The following ANKFN1 variants were observed in gnomAD, a reference collection of about 807,000 sequenced individuals.
ANKFN1 encodes the protein ankyrin repeat and fibronectin type III domain containing 1.
ANKFN1 carries 74 observed loss-of-function variants against 108.7 expected under a neutral mutation model. That is an observed-to-expected ratio of 0.68 (90% CI 0.56 to 0.83). The LOEUF (loss-of-function observed/expected upper bound fraction) is 0.83, where lower values mean the gene tolerates loss of function less well. ANKFN1 is among the 40% of genes least tolerant of loss of function. The pLI is 0.00. For synonymous variants in ANKFN1, 547 were observed against 516.2 expected, an observed-to-expected ratio of 1.06 and a Z score of -0.81; for missense variants, 1,505 against 1,382.3, an observed-to-expected ratio of 1.09 and a Z score of -1.41.
chr17:56,357,039 C>CA (rs2046394489), intron 6 of ANKFN1, among the ~76,000 whole-genome samples: 1 of 152,140 alleles, frequency 6.6e-6, no homozygotes, highest in Non-Finnish European at 1.5e-5. Context: ...CAAATTTGTT[C>CA]AAGAGATCCC....
In ANKFN1 at chr17:56,418,819, A is replaced by T. The variant is rs1019549534; in HGVS notation, c.911-21508A>T. On this transcript the variant is annotated intron_variant, in intron 8 of 20. Transcript: ENST00000682825. ...TAAGTTAAAAAAAAAAAAAAAAATC[A>T]CAAGAAACCACAGAGAGTCCGAAGC... is the stretch of plus-strand genomic sequence containing the variant. Among the ~76,000 whole-genome samples, 326 of 151,732 alleles carry T rather than the reference A, an allele frequency of 2.1e-3. 1 individual carries two copies. The highest frequency in any genetic ancestry group is 7.7e-3 in the African/African-American group (319 of 41,412).
chr17:56,284,980 G>A (rs974095479), intron 3 of ANKFN1, among the ~76,000 whole-genome samples: 3 of 152,144 alleles, frequency 2.0e-5, no homozygotes, highest in Non-Finnish European at 4.4e-5. Flanking sequence ...CCTGGAATGA[G>A]CCATGTAAAA....
chr17:56,282,797 G>C (rs537498379), intron 3 of ANKFN1, among the ~76,000 whole-genome samples: 45 of 152,112 alleles, frequency 3.0e-4, no homozygotes, highest in Non-Finnish European at 5.4e-4. Flanking sequence ...TTGACAAAGT[G>C]TTGGCACATT....
intron 18 of ANKFN1, among the ~76,000 whole-genome samples, chr17:56,484,097 T>G (rs916756494): frequency 2.0e-5 from 3 of 152,104 alleles, no homozygotes; most frequent in South Asian, 2.1e-4. Context: ...AAAACCTTTC[T>G]TGTTGGGGGA....
chr17:56,500,743 G>C (rs528266737), intron 20 of ANKFN1, among the ~76,000 whole-genome samples: 1 of 152,138 alleles, frequency 6.6e-6, no homozygotes, highest in Non-Finnish European at 1.5e-5. Flanking sequence ...CAGGATCTAA[G>C]AACATTGTTC....
intron 4 of ANKFN1, among the ~76,000 whole-genome samples, chr17:56,075,569 C>T (rs1001001553): frequency 6.6e-6 from 1 of 151,946 alleles, no homozygotes; most frequent in African/African-American, 2.4e-5. Flanking sequence ...AGATGAGGGG[C>T]CCCTTTGCAG....
intron 3 of ANKFN1, among the ~76,000 whole-genome samples, chr17:56,279,650 A>G (rs2044020288): frequency 6.6e-6 from 1 of 152,188 alleles, no homozygotes; most frequent in Non-Finnish European, 1.5e-5. Context: ...AACTTTGCTC[A>G]GTACAACACA....
At chr17:56,317,222 G>C (rs375533680) in intron 3 of ANKFN1, among the ~76,000 whole-genome samples, 7 of 152,128 alleles carry the variant, frequency 4.6e-5, no homozygotes, top group Non-Finnish European at 8.8e-5. Context: ...CCCTCACTTA[G>C]AGGAGAAAAC....
chr17:56,134,912 C>T (rs1236359915), intron 4 of ANKFN1, among the ~76,000 whole-genome samples: 2 of 152,018 alleles, frequency 1.3e-5, no homozygotes, highest in African/African-American at 4.8e-5. Context: ...ATGTGTTGTC[C>T]TGATGGACTC....
intron 1 of ANKFN1, among the ~76,000 whole-genome samples, chr17:56,189,239 C>T (rs992137060): frequency 2.4e-5 from 3 of 124,510 alleles, no homozygotes; most frequent in East Asian, 2.8e-4. Flanking sequence ...GGCGGGATCT[C>T]GGCTCACTGC....
At chr17:56,190,126 C>T (rs1361344201) in intron 1 of ANKFN1, among the ~76,000 whole-genome samples, 19 of 130,438 alleles carry the variant, frequency 1.5e-4, no homozygotes, top group East Asian at 5.0e-4. Context: ...GTCTTGCTAG[C>T]GGTCTATCAA....
chr17:56,437,980 G>GTGTGTGTA (rs1328745445), intron 8 of ANKFN1, among the ~76,000 whole-genome samples: 1 of 149,382 alleles, frequency 6.7e-6, no homozygotes, highest in Non-Finnish European at 1.5e-5. Context: ...GTAGGTGTGT[G>GTGTGTGTA]TGTGTGTGTG....
intron 1 of ANKFN1, chr17:56,174,505 C>G (rs1910952442): frequency 1.2e-6 from 1 of 800,982 alleles, no homozygotes; most frequent in African/African-American, 1.9e-5. Flanking sequence ...CATGGAGTCT[C>G]TCTGTGCCTT....
chr17:56,225,873 T>C (rs959738907), intron 2 of ANKFN1, among the ~76,000 whole-genome samples: 3 of 152,234 alleles, frequency 2.0e-5, no homozygotes, highest in Non-Finnish European at 4.4e-5. Context: ...TAATCAATGA[T>C]ATTGCTGTGA....
At chr17:56,371,449 T>C (rs2144764338) in intron 6 of ANKFN1, among the ~76,000 whole-genome samples, 1 of 152,326 alleles carries the variant, frequency 6.6e-6, no homozygotes, top group Middle Eastern at 3.4e-3. Flanking sequence ...CATTTCAAAA[T>C]ACACCTAACA....
At chr17:56,171,573 G>A (rs1910698769) in intron 1 of ANKFN1, among the ~76,000 whole-genome samples, 1 of 152,172 alleles carries the variant, frequency 6.6e-6, no homozygotes, top group Admixed American at 6.5e-5. Flanking sequence ...AACAGCGTGG[G>A]TGAACAGAAG....
At chr17:56,046,590 C>T (rs79155014) in intron 4 of ANKFN1, among the ~76,000 whole-genome samples, 3,561 of 152,120 alleles carry the variant, frequency 0.023, 146 homozygotes, top group African/African-American at 0.082. Flanking sequence ...GGCTGCATGG[C>T]AGAAAGACAT....
At chr17:56,226,560 G>A (rs771344318) in intron 2 of ANKFN1, among the ~76,000 whole-genome samples, 1 of 152,098 alleles carries the variant, frequency 6.6e-6, no homozygotes. Flanking sequence ...AGGAATTTGG[G>A]ACAAGGATAT....
At chr17:56,224,253 A>C (rs1286597861) in intron 2 of ANKFN1, among the ~76,000 whole-genome samples, 1 of 152,196 alleles carries the variant, frequency 6.6e-6, no homozygotes, top group Non-Finnish European at 1.5e-5. Flanking sequence ...TCTTAAATTA[A>C]TTTCACAGGT....
Sources: gnomAD v4.1 joint callset for allele counts (sites outside exome capture counted in the v4.1 genomes callset) on GRCh38, gnomAD v4.1.1 for gene constraint, MANE v1.5 for transcripts, NCBI Gene and HGNC (gene_info 2026-07-23, HGNC 2026-07-21) for gene names.